The following AFF2 variants were observed in gnomAD, a reference collection of about 807,000 sequenced individuals.
AFF2 encodes the protein AF4/FMR2 family member 2.
AFF2 carries 14 observed loss-of-function variants against 76.9 expected under a neutral mutation model. That is an observed-to-expected ratio of 0.18 (90% CI 0.12 to 0.28). The LOEUF (loss-of-function observed/expected upper bound fraction) is 0.28. Ranked by LOEUF, AFF2 falls within the 10% of genes least tolerant of loss-of-function variation. AFF2 has a pLI of 1.00. For synonymous variants in AFF2, 398 were observed against 366.7 expected, an observed-to-expected ratio of 1.09 and a Z score of -0.98; for missense variants, 868 against 1,001.1, an observed-to-expected ratio of 0.87 and a Z score of 1.79.
At chrX:148,611,905 C>T (rs1357577945) in intron 1 of AFF2, among the ~76,000 whole-genome samples, 1 of 111,836 alleles carries the variant, frequency 8.9e-6, no homozygotes, top group Non-Finnish European at 1.9e-5. Context: ...CCATTCCTTG[C>T]ACATTTGCAT....
chrX:148,763,939 A>G (rs1451742597), intron 3 of AFF2, among the ~76,000 whole-genome samples: 1 of 112,476 alleles, frequency 8.9e-6, no homozygotes, highest in Non-Finnish European at 1.9e-5. Context: ...AATTAGAGCA[A>G]TGACTTTTAG....
chrX:148,824,575 G>A (rs1407246360), intron 4 of AFF2, among the ~76,000 whole-genome samples: 1 of 111,404 alleles, frequency 9.0e-6, no homozygotes, highest in African/African-American at 3.3e-5. Context: ...CATAAAGTTC[G>A]AGAATAAAAA....
chrX:148,514,723 C>G (rs2052517584), intron 1 of AFF2, among the ~76,000 whole-genome samples: 1 of 112,172 alleles, frequency 8.9e-6, no homozygotes, highest in East Asian at 2.8e-4. Context: ...TCCTCTTTCA[C>G]TATCTTTTAA....
At chrX:148,886,419 A>G (rs1041230085) in intron 8 of AFF2, among the ~76,000 whole-genome samples, 1 of 112,014 alleles carries the variant, frequency 8.9e-6, no homozygotes, top group Admixed American at 9.5e-5. Context: ...GCACCATTTC[A>G]GAATGCAGCT....
At chrX:148,692,046 C>T (rs868922237) in intron 3 of AFF2, among the ~76,000 whole-genome samples, 1 of 102,016 alleles carries the variant, frequency 9.8e-6, no homozygotes, top group South Asian at 4.4e-4. Context: ...CAAAAATGTT[C>T]TTTTTTTTTT....
intron 1 of AFF2, among the ~76,000 whole-genome samples, chrX:148,556,342 A>C: frequency 8.9e-6 from 1 of 112,113 alleles, no homozygotes; most frequent in Non-Finnish European, 1.9e-5. Context: ...GTGTAATTAC[A>C]GTACATTTAG....
intron 3 of AFF2, among the ~76,000 whole-genome samples, chrX:148,701,076 C>G (rs1482375301): frequency 9.5e-6 from 1 of 105,765 alleles, no homozygotes; most frequent in Non-Finnish European, 1.9e-5. Flanking sequence ...TGCACATGTG[C>G]CCACACCATT....
At chrX:148,929,637 C>T (rs2071690078) in intron 9 of AFF2, among the ~76,000 whole-genome samples, 1 of 111,817 alleles carries the variant, frequency 8.9e-6, no homozygotes, top group African/African-American at 3.3e-5. Context: ...TCTTCACTCA[C>T]CCCAAGAATT....
In AFF2 at chrX:148,512,577, G is replaced by A. The variant is rs781973564; in HGVS notation, c.47+11433G>A. On this transcript the variant is annotated intron_variant, in intron 1 of 20. Coordinates refer to ENST00000370460, the MANE Select transcript of AFF2 (RefSeq NM_002025.4). ...GTAGCAAATGATGACAGCCAAGCCA[G>A]CATTACCTCAGTTGATTAATTTATA... 3.6e-5 allele frequency among the ~76,000 whole-genome samples: 4 copies of A among 112,412 alleles called. No homozygotes were observed. The South Asian group carries it at 1.5e-3, about 41-fold the overall frequency.
At chrX:148,783,031 G>C (rs782183668) in intron 3 of AFF2, among the ~76,000 whole-genome samples, 1 of 111,947 alleles carries the variant, frequency 8.9e-6, no homozygotes, top group Non-Finnish European at 1.9e-5. Context: ...CCTTGCTCCA[G>C]CCTTCATTTC....
chrX:148,916,355 G>A (rs1557282598), intron 9 of AFF2, among the ~76,000 whole-genome samples: 1 of 106,908 alleles, frequency 9.4e-6, no homozygotes, highest in African/African-American at 3.4e-5. Context: ...GACTACAGGC[G>A]CCCGCCACCA....
intron 1 of AFF2, among the ~76,000 whole-genome samples, chrX:148,528,434 T>C (rs1176888753): frequency 1.8e-5 from 2 of 112,045 alleles, no homozygotes; most frequent in Non-Finnish European, 3.8e-5. Flanking sequence ...TGTGTTGATA[T>C]GTCTTCAGTT....
chrX:148,885,766 C>T (rs1557279005), intron 7 of AFF2, 123 bp from the exon 8 acceptor site: 1 of 593,400 alleles, frequency 1.7e-6, no homozygotes, highest in Non-Finnish European at 2.9e-6. Context: ...TCCCTCTACA[C>T]CTTTGAAGGA....
intron 3 of AFF2, among the ~76,000 whole-genome samples, chrX:148,721,944 T>C (rs4844070): frequency 4.8e-3 from 536 of 111,897 alleles, no homozygotes; most frequent in Non-Finnish European, 7.7e-3. Flanking sequence ...ATCAGTCATA[T>C]TGGATTTAGA....
intron 15 of AFF2, among the ~76,000 whole-genome samples, chrX:148,971,126 G>GTTTT (rs142941450): frequency 0.014 from 1,000 of 69,093 alleles, 10 homozygotes; most frequent in African/African-American, 0.049. Flanking sequence ...TAACTTCATT[G>GTTTT]TTTTTTTTTT....
At chrX:148,665,825 C>G (rs2054353371) in intron 3 of AFF2, among the ~76,000 whole-genome samples, 1 of 111,805 alleles carries the variant, frequency 8.9e-6, no homozygotes, top group Non-Finnish European at 1.9e-5. Context: ...GTGTAGCCAT[C>G]TTTGATGAGT....
intron 1 of AFF2, among the ~76,000 whole-genome samples, chrX:148,563,652 A>G (rs1557241142): frequency 8.9e-6 from 1 of 112,332 alleles, no homozygotes; most frequent in Non-Finnish European, 1.9e-5. Flanking sequence ...GGTTTTTCAC[A>G]AAGGACTAAT....
intron 20 of AFF2, among the ~76,000 whole-genome samples, chrX:148,990,427 G>T (rs2072520789): frequency 8.9e-6 from 1 of 112,365 alleles, no homozygotes; most frequent in Non-Finnish European, 1.9e-5. Flanking sequence ...CCAGGCAAAT[G>T]AATTCGTACA....
At chrX:148,522,656 C>T (rs1557234680) in intron 1 of AFF2, among the ~76,000 whole-genome samples, 1 of 111,882 alleles carries the variant, frequency 8.9e-6, no homozygotes, top group African/African-American at 3.3e-5. Context: ...GGTACAGTTG[C>T]TTATACAATT....
Sources: allele counts gnomAD v4.1 joint callset (sites outside exome capture counted in the v4.1 genomes callset), GRCh38; gene constraint gnomAD v4.1.1; transcripts MANE v1.5; gene names NCBI Gene and HGNC (gene_info 2026-07-23, HGNC 2026-07-21).